Variants in CCZ1B observed in about 807,000 individuals in gnomAD.
CCZ1B encodes the protein CCZ1B vacuolar protein trafficking and biogenesis associated.
Under a neutral mutation model 58.8 loss-of-function variants are expected in CCZ1B, and 25 were observed. That is an observed-to-expected ratio of 0.43 (90% CI 0.31 to 0.59). The LOEUF (loss-of-function observed/expected upper bound fraction) is 0.59. Among genes scored for constraint, CCZ1B ranks in the 20% least tolerant of loss-of-function variants. CCZ1B has a pLI of 0.12. For missense variants in CCZ1B, 180 were observed against 501.5 expected, an observed-to-expected ratio of 0.36 and a Z score of 6.12; for synonymous variants, 66 against 173.2, an observed-to-expected ratio of 0.38 and a Z score of 4.86.
chr7:6,824,883 T>C lies in CCZ1B; in HGVS notation c.121-146A>G, dbSNP rs1214784355. 110 of 1,070,626 alleles carry C rather than the reference T, an allele frequency of 1.0e-4. 3 individuals are homozygous for C. Among genetic ancestry groups the C allele is most frequent in the Non-Finnish European group, 1.4e-4 (107 of 767,016 alleles). The allele number at this position is 1,070,626 out of a possible 1,614,324, so 66.3% of individuals were successfully genotyped here. A position where few individuals can be genotyped will look rare whatever the true frequency, so the allele number is the denominator to read the frequency against. ...ACCGGTTTTAGAAAAACAGGAATTG[T>C]AATCCTAGTATTTTCAGAGGCTGAG... On this transcript the variant is annotated intron_variant, in intron 1 of 14. Coordinates refer to ENST00000316731, the MANE Select transcript of CCZ1B (RefSeq NM_198097.5).
At chr7:6,814,172 A>T (rs1782961578) in intron 8 of CCZ1B, among the ~76,000 whole-genome samples, 1 of 149,108 alleles carries the variant, frequency 6.7e-6, no homozygotes, top group Admixed American at 6.7e-5. Flanking sequence ...AAATAAATAA[A>T]ATAAAATACA....
rs1433076339 is a variant in CCZ1B at position 6,820,037 on chromosome 7, A to G, written c.523-96T>C. 9 of 1,314,998 alleles carry G rather than the reference A, an allele frequency of 6.8e-6. 1 individual carries two copies. The South Asian group carries it at 7.9e-5, about 12-fold the overall frequency. The allele number at this position is 1,314,998 out of a possible 1,614,324, so 81.5% of individuals were successfully genotyped here. On this transcript the variant is annotated intron_variant, in intron 6 of 14. Coordinates refer to ENST00000316731, the MANE Select transcript of CCZ1B (RefSeq NM_198097.5). The stretch of plus-strand genomic sequence containing the variant: ...ATAATCTTATGTCAGACTCACATTT[A>G]TGGTACAATTACATACTAGCAAACA...
chr7:6,814,043 G>T (rs1247744847), intron 8 of CCZ1B, among the ~76,000 whole-genome samples: 5 of 148,656 alleles, frequency 3.4e-5, no homozygotes, highest in African/African-American at 1.3e-4. Flanking sequence ...CTACTTGGGA[G>T]CCTGAGGCCG....
intron 3 of CCZ1B, 36 bp downstream of exon 3, chr7:6,824,419 T>C (rs1562433701): frequency 7.5e-6 from 12 of 1,600,474 alleles, no homozygotes; most frequent in Admixed American, 6.8e-5. Flanking sequence ...AACTTCACCA[T>C]ACAATTTCAG....
chr7:6,824,767 T>C, intron 1 of CCZ1B, 30 bp from the exon 2 acceptor site: 1 of 1,542,438 alleles, frequency 6.5e-7, no homozygotes, highest in Non-Finnish European at 8.8e-7. Flanking sequence ...AAGCACAACA[T>C]GAATAGAAAC....
intron 8 of CCZ1B, 178 bp downstream of exon 8, chr7:6,814,586 T>G (rs924086605): frequency 2.1e-6 from 1 of 484,060 alleles, no homozygotes; most frequent in Admixed American, 3.9e-5. Flanking sequence ...TGTCACATAC[T>G]GGAGGAGAGC....
At chr7:6,820,468 C>T (rs1171720459) in intron 6 of CCZ1B, among the ~76,000 whole-genome samples, 9 of 149,106 alleles carry the variant, frequency 6.0e-5, no homozygotes, top group Admixed American at 5.3e-4. Flanking sequence ...TGAGCCACCA[C>T]GCCTGGCCAA....
At chr7:6,811,210 CCT>C (rs1298200696) in intron 10 of CCZ1B, among the ~76,000 whole-genome samples, 1 of 150,384 alleles carries the variant, frequency 6.6e-6, no homozygotes, top group Non-Finnish European at 1.5e-5. Flanking sequence ...AAGTCAGGAG[CCT>C]CTCTGGGCTT....
chr7:6,818,663 C>A (rs377220842), intron 7 of CCZ1B, among the ~76,000 whole-genome samples: 864 of 76,030 alleles, frequency 0.011, 41 homozygotes, highest in African/African-American at 0.028. Flanking sequence ...GAAAGAAAGA[C>A]AGACAGAAAG....
chr7:6,818,651 CAGAAAGAAAGACAGACAGAAAGAAAGA>C (rs1783053367), intron 7 of CCZ1B, among the ~76,000 whole-genome samples: 3 of 123,330 alleles, frequency 2.4e-5, no homozygotes, highest in South Asian at 2.7e-4. Context: ...GAAAGAAAGA[CAGAAAGAAAGACAGACAGAAAGAAAGA>C]AAGAAAGAAA....
chr7:6,807,923 A>G (rs1329806021), intron 10 of CCZ1B, among the ~76,000 whole-genome samples: 9 of 88,222 alleles, frequency 1.0e-4, no homozygotes, highest in Middle Eastern at 4.2e-3. Context: ...TTAACTTTAA[A>G]ATTTGCCACA....
At chr7:6,813,840 C>T (rs1249154034) in intron 8 of CCZ1B, among the ~76,000 whole-genome samples, 1 of 116,826 alleles carries the variant, frequency 8.6e-6, no homozygotes, top group East Asian at 2.4e-4. Context: ...GTTTCTAGAA[C>T]CCAACCTAAA....
chr7:6,812,214 C>T lies in CCZ1B; in HGVS notation c.843-151G>A, dbSNP rs1208765838. 18 of 792,436 alleles carry T rather than the reference C, an allele frequency of 2.3e-5. 1 individual carries two copies. Among genetic ancestry groups the T allele is most frequent in the African/African-American group, 3.7e-5 (2 of 54,524 alleles). The allele number at this position is 792,436 out of a possible 1,614,324, so 49.1% of individuals were successfully genotyped here. A position where few individuals can be genotyped will look rare whatever the true frequency, so the allele number is the denominator to read the frequency against. On this transcript the variant is annotated intron_variant, in intron 9 of 14. Transcript: ENST00000316731. Reference sequence around the variant, plus strand: ...ACCATATCAGAATAGGCCGGCTGGGCGTGGTGGCTCATGCCTGTAATCCCA... The same window carrying T: ...ACCATATCAGAATAGGCCGGCTGGGTGTGGTGGCTCATGCCTGTAATCCCA...
At chr7:6,822,194 A>T in intron 6 of CCZ1B, 87 bp downstream of exon 6, 1 of 1,529,594 alleles carries the variant, frequency 6.5e-7, no homozygotes, top group Non-Finnish European at 8.8e-7. Flanking sequence ...GGTTTTTTGT[A>T]GATAAGAAAC....
At chr7:6,811,766 G>A (rs62441808) in intron 10 of CCZ1B, 186 bp downstream of exon 10, 189,927 of 761,066 alleles carry the variant, frequency 0.25, 23,999 homozygotes, top group South Asian at 0.36. Context: ...TAACAGAACT[G>A]TTTAAAAGGA....
intron 8 of CCZ1B, 50 bp downstream of exon 8, chr7:6,814,714 C>G: frequency 2.0e-6 from 3 of 1,514,910 alleles, no homozygotes; most frequent in Non-Finnish European, 2.7e-6. Context: ...TCCACCTGCC[C>G]TCTCTGTGCC....
At chr7:6,808,542 C>CG in intron 10 of CCZ1B, among the ~76,000 whole-genome samples, 1 of 150,704 alleles carries the variant, frequency 6.6e-6, no homozygotes, top group African/African-American at 2.5e-5. Context: ...CTGTATTCTT[C>CG]CACTGTAATA....
rs1395306848 is a variant in CCZ1B, at chr7:6,824,828, C to T, written c.121-91G>A. On this transcript the variant is annotated intron_variant, in intron 1 of 14. Transcript: ENST00000316731. ...TAAGTTCAATGTCGACCTCTTGTGT[C>T]ACACATGCTAATGACAAAATAAAAC... 5.6e-6 allele frequency: 8 copies of T among 1,428,702 alleles called. No homozygotes were observed. The East Asian group carries it at 1.9e-4, about 33-fold the overall frequency. 88.5% of individuals were successfully genotyped at this position (1,428,702 alleles called of 1,614,324 possible). A position where few individuals can be genotyped will look rare whatever the true frequency, so the allele number is the denominator to read the frequency against.
chr7:6,815,063 C>T (rs1290685912), intron 7 of CCZ1B, among the ~76,000 whole-genome samples: 1 of 148,754 alleles, frequency 6.7e-6, no homozygotes, highest in Non-Finnish European at 1.5e-5. Flanking sequence ...AAACATAATT[C>T]TTAGCATTGA....
Sources: allele counts gnomAD v4.1 joint callset (sites outside exome capture counted in the v4.1 genomes callset), GRCh38; gene constraint gnomAD v4.1.1; transcripts MANE v1.5; gene names NCBI Gene and HGNC (gene_info 2026-07-23, HGNC 2026-07-21).